STAB1: variants seen among roughly 807,000 people sequenced by gnomAD.
The protein encoded by STAB1 is stabilin 1.
A neutral mutation model predicts 332.4 loss-of-function variants in STAB1; 250 were observed. That is an observed-to-expected ratio of 0.75 (90% CI 0.68 to 0.84). STAB1 has a LOEUF of 0.84. STAB1 is among the 40% of genes least tolerant of loss of function. The pLI is 0.00. For missense variants in STAB1, 3,249 were observed against 3,489.7 expected (o/e 0.93, Z 1.74); for synonymous variants, 1,475 against 1,390.4 (o/e 1.06, Z -1.35).
rs2079120551 is a variant in STAB1 at position 52,522,826 on chromosome 3, C to T, written c.6796C>T (p.His2266Tyr). Reference sequence around the variant, plus strand: ...CTGGCTGGCCAATGGCTCCACTGCCCACCCTGTGGTTTTCCCTGTGGCGGA... The same window carrying T: ...CTGGCTGGCCAATGGCTCCACTGCCTACCCTGTGGTTTTCCCTGTGGCGGA... ...MGWLANGSTAHPVVFPVADCG... is the reference protein window; with the variant it reads ...MGWLANGSTAYPVVFPVADCG... Residue 2266 changes from histidine to tyrosine, a missense_variant, in exon 62 of 69, where the codon CAC becomes TAC. Physicochemically the swap from His to Tyr is moderately conservative, Grantham distance 83. Coordinates refer to ENST00000321725, the MANE Select transcript of STAB1 (RefSeq NM_015136.3). 1.2e-6 allele frequency: 2 copies of T among 1,613,326 alleles called. No homozygotes were observed. The highest frequency in any genetic ancestry group is 1.7e-6 in the Non-Finnish European group (2 of 1,180,024).
In STAB1 at chr3:52,520,251, T is replaced by TG. The variant is rs1287729388; in HGVS notation, c.5463dup (p.Thr1822AspfsTer14). On this transcript the variant is annotated frameshift_variant, in exon 52 of 69. Coordinates refer to ENST00000321725, the MANE Select transcript of STAB1 (RefSeq NM_015136.3). LOFTEE classifies it high-confidence loss of function. ...ACCTGGGCCCACTTCGAACCATGCA[T>TG]GGGACCCCCATCTCTTTCTCCTGCA... The TG allele has an allele frequency of 6.2e-7, 1 of 1,613,048 alleles. No homozygotes were observed. The highest frequency in any genetic ancestry group is 2.2e-5 in the East Asian group (1 of 44,896).
chr3:52,509,380 G>T, intron 22 of STAB1, 59 bp downstream of exon 22: 1 of 1,471,316 alleles, frequency 6.8e-7, no homozygotes, highest in East Asian at 2.3e-5. Context: ...CTAAAGATGG[G>T]TCTGGGGGCT....
Position 52,495,490 on chromosome 3 carries a change from A to G in STAB1, c.77A>G (p.Gln26Arg). 7.5e-7 allele frequency: 1 copy of G among 1,338,786 alleles called. No homozygotes were observed. Among genetic ancestry groups the G allele is most frequent in the East Asian group, 2.8e-5 (1 of 35,548 alleles). 82.9% of individuals were successfully genotyped at this position (1,338,786 alleles called of 1,614,324 possible). Residue 26 changes from glutamine (Q) to arginine (R), a missense_variant and splice_region_variant, in exon 1 of 69, where the codon CAG (glutamine) becomes CGG (arginine). Physicochemically the swap from Gln to Arg is conservative, Grantham distance 43. Coordinates refer to ENST00000321725, the MANE Select transcript of STAB1 (RefSeq NM_015136.3). ...CLAGFSFVRG[Q>R]VLFKGCDVKT... ...GCAGGCTTCAGCTTCGTCAGGGGGC[A>G]GGTAAGTGTGAGCCAGTCGCAGGGG... is the stretch of plus-strand genomic sequence containing the variant.
intron 37 of STAB1, among the ~76,000 whole-genome samples, chr3:52,515,758 C>T (rs1436702521): frequency 6.6e-6 from 1 of 152,140 alleles, no homozygotes; most frequent in Non-Finnish European, 1.5e-5. Context: ...AGAGCTGGTT[C>T]CATCAGCGAA....
chr3:52,513,785 C>A lies in STAB1; in HGVS notation c.3339C>A (p.Ile1113=). The A allele has an allele frequency of 1.2e-6, 2 of 1,613,440 alleles. No individual in the cohort carries two copies. Among genetic ancestry groups the A allele is most frequent in the Non-Finnish European group, 1.7e-6 (2 of 1,179,998 alleles). Residue 1113 remains isoleucine (I), a synonymous_variant, in exon 31 of 69, where the codon ATC becomes ATA. Coordinates refer to ENST00000321725, the MANE Select transcript of STAB1 (RefSeq NM_015136.3). The stretch of plus-strand genomic sequence containing the variant: ...TTGCCACCAACGGTGTCCTACACAT[C>A]CTCAGCCAGGTACAGCAGGAGGAGG... ...DLLATNGVLH[I]LSQVLLPPRG... is the part of the protein sequence containing the mutation.
chr3:52,523,493 C>T lies in STAB1; in HGVS notation c.7207C>T (p.Gln2403Ter), dbSNP rs762365191. Residue 2403 changes from glutamine to a stop codon, truncating the protein, a stop_gained, in exon 65 of 69, where the codon CAG (glutamine) becomes TAG (stop). Coordinates refer to ENST00000321725, the MANE Select transcript of STAB1 (RefSeq NM_015136.3). LOFTEE classifies it high-confidence loss of function. ...CACCCTCCTAAGTGCCAACGCCAGC[C>T]AGGGGAAGTTGCTTCCGGCCCACTC... ...NATLLSANAS[Q>*]GKLLPAHSGL... is the part of the protein sequence containing the mutation. 1.2e-6 allele frequency: 2 copies of T among 1,612,414 alleles called. No individual in the cohort carries two copies. Among genetic ancestry groups the T allele is most frequent in the Non-Finnish European group, 1.7e-6 (2 of 1,179,672 alleles).
Position 52,522,030 on chromosome 3 carries a change from C to A in STAB1, c.6272-7C>A. 6.2e-7 allele frequency: 1 copy of A among 1,612,984 alleles called. No homozygotes were observed. Among genetic ancestry groups the A allele is most frequent in the South Asian group, 1.1e-5 (1 of 91,050 alleles). ...ACTAGGTCCAACCACTCCCTCCCTG[C>A]CCTCAGTGGCAGACCTGTGCCAGGA... is the stretch of plus-strand genomic sequence containing the variant. On this transcript the variant is annotated splice_region_variant and splice_polypyrimidine_tract_variant and intron_variant, in intron 58 of 68. Transcript: ENST00000321725.
intron 22 of STAB1, chr3:52,509,589 T>A: frequency 1.7e-6 from 1 of 592,754 alleles, no homozygotes; most frequent in South Asian, 2.1e-5. Context: ...GGAAGGGAAC[T>A]GTGGCTTAAA....
chr3:52,501,039 C>T, intron 1 of STAB1, 127 bp from the exon 2 acceptor site: 1 of 1,365,098 alleles, frequency 7.3e-7, no homozygotes, highest in African/African-American at 1.4e-5. Flanking sequence ...GAACCCTCTG[C>T]TTACTCTGAC....
chr3:52,496,054 C>T (rs1168334887), intron 1 of STAB1, among the ~76,000 whole-genome samples: 1 of 152,242 alleles, frequency 6.6e-6, no homozygotes, highest in Non-Finnish European at 1.5e-5. Context: ...TCCTCACAGC[C>T]TCGGGGCAAC....
rs766685680 is a variant in STAB1, at chr3:52,520,497, C to T, written c.5597C>T (p.Pro1866Leu). The change falls in exon 53 of 69, where the codon CCA becomes CTA. Residue 1866 changes from proline to leucine, a missense_variant. By Grantham distance (98) the Pro-to-Leu change is moderately conservative (BLOSUM62 -3). Transcript: ENST00000321725. ...LAYGIDQLLE[P>L]PGLGARCDHF... is the part of the protein sequence containing the mutation. ...TATGGCATCGACCAGCTGCTGGAGCCACCTGGCCTTGGTGCTCGCTGTGAC... is the reference window on the plus strand; with the variant it reads ...TATGGCATCGACCAGCTGCTGGAGCTACCTGGCCTTGGTGCTCGCTGTGAC... 2.5e-6 allele frequency: 4 copies of T among 1,612,652 alleles called. No individual in the cohort carries two copies. In the East Asian group the frequency reaches 6.7e-5, roughly 27 times the overall value.
rs1048245069 is a variant in STAB1, at chr3:52,505,791, G to T, written c.1695+10G>T. The T allele has an allele frequency of 1.2e-5, 19 of 1,613,878 alleles. No homozygotes were observed. The highest frequency in any genetic ancestry group is 1.5e-5 in the Non-Finnish European group (18 of 1,180,036). ...CTACCTCTTCACAGCGGTAAGCTCA[G>T]CGGGAGAAGGGGCTGCGGGTATGGG... On this transcript the variant is annotated intron_variant, in intron 15 of 68. Coordinates refer to ENST00000321725, the MANE Select transcript of STAB1 (RefSeq NM_015136.3).
chr3:52,508,574 C>A (rs1444480012), intron 21 of STAB1: 2 of 564,806 alleles, frequency 3.5e-6, no homozygotes, highest in Non-Finnish European at 6.6e-6. Flanking sequence ...GTAATCCCAG[C>A]ACTTTGAGAC....
intron 15 of STAB1, 22 bp downstream of exon 15, chr3:52,505,803 G>C: frequency 6.2e-7 from 1 of 1,613,838 alleles, no homozygotes; most frequent in Non-Finnish European, 8.5e-7. Context: ...GGGAGAAGGG[G>C]CTGCGGGTAT....
chr3:52,508,105 G>A, intron 20 of STAB1, 79 bp downstream of exon 20: 1 of 1,461,170 alleles, frequency 6.8e-7, no homozygotes. Context: ...CTGGGGCTGA[G>A]TGGGCTCCCT....
In STAB1 at chr3:52,518,526, C is replaced by T. The variant is rs1422954949; in HGVS notation, c.4810-10C>T. ...TCCCATTCCACTCATGCTGTTGCTG[C>T]CTCCCGCAGGAATATAAGGAGCTCA... On this transcript the variant is annotated splice_polypyrimidine_tract_variant and intron_variant, in intron 46 of 68. Coordinates refer to ENST00000321725, the MANE Select transcript of STAB1 (RefSeq NM_015136.3). 22 of 1,578,462 alleles carry T rather than the reference C, an allele frequency of 1.4e-5. No homozygotes were observed. The highest frequency in any genetic ancestry group is 1.8e-5 in the Admixed American group (1 of 54,460).
rs1468410388 is a variant in STAB1 at position 52,503,798 on chromosome 3, G to T, written c.918G>T (p.Leu306=). The T allele has an allele frequency of 1.3e-5, 21 of 1,613,196 alleles. No homozygotes were observed. Among genetic ancestry groups the T allele is most frequent in the Non-Finnish European group, 1.5e-5 (18 of 1,180,014 alleles). Residue 306 remains leucine, a synonymous_variant, in exon 9 of 69, where the codon CTG becomes CTT. Coordinates refer to ENST00000321725, the MANE Select transcript of STAB1 (RefSeq NM_015136.3). The stretch of plus-strand genomic sequence containing the variant: ...CCTTCTGCACCTGCCGGCCAGGCCT[G>T]GTCAGCATCAACAGCAACGCTTCTG... The part of the protein sequence containing the change: ...GQAFCTCRPG[L]VSINSNASAG...
intron 4 of STAB1, 28 bp from the exon 5 acceptor site, chr3:52,502,131 C>T: frequency 1.2e-6 from 2 of 1,613,580 alleles, no homozygotes; most frequent in Non-Finnish European, 1.7e-6. Context: ...TCAGAGGGGC[C>T]ACGCTGACTT....
chr3:52,508,347 T>C lies in STAB1; in HGVS notation c.2223T>C (p.Tyr741=), dbSNP rs551457686. 10 of 1,613,814 alleles carry C rather than the reference T, an allele frequency of 6.2e-6. 1 individual carries two copies. The highest frequency in any genetic ancestry group is 4.0e-5 in the African/African-American group (3 of 75,056). The change falls in exon 21 of 69, where the codon TAT becomes TAC. Residue 741 remains tyrosine (Y), a synonymous_variant. Coordinates refer to ENST00000321725, the MANE Select transcript of STAB1 (RefSeq NM_015136.3). The part of the protein sequence containing the change: ...QCPGGFSNPC[Y]GKGNCSDGIQ... ...CTGGGGGCTTCTCCAACCCCTGCTATGGCAAAGGCAATGTGAGTCCCATCC... is the reference window on the plus strand; with the variant it reads ...CTGGGGGCTTCTCCAACCCCTGCTACGGCAAAGGCAATGTGAGTCCCATCC...
Sources: gnomAD v4.1 joint callset for allele counts (sites outside exome capture counted in the v4.1 genomes callset) on GRCh38, gnomAD v4.1.1 for gene constraint, MANE v1.5 for transcripts, NCBI Gene and HGNC (gene_info 2026-07-23, HGNC 2026-07-21) for gene names.